CTNNA3: variants seen among roughly 807,000 people sequenced by gnomAD.
The protein encoded by CTNNA3 is catenin alpha 3, also known as catenin alpha-3.
A neutral mutation model predicts 95.7 loss-of-function variants in CTNNA3; 76 were observed. That is an observed-to-expected ratio of 0.79 (90% CI 0.66 to 0.96). The LOEUF (loss-of-function observed/expected upper bound fraction) is 0.96. Ranked by LOEUF, CTNNA3 falls within the 40% of genes least tolerant of loss-of-function variation. The pLI is 0.00. For missense variants in CTNNA3, 1,191 were observed against 1,089.8 expected, an observed-to-expected ratio of 1.09 and a Z score of -1.31; for synonymous variants, 431 against 374.4, an observed-to-expected ratio of 1.15 and a Z score of -1.74.
chr10:66,857,503 T>A (rs1394600049), intron 7 of CTNNA3, among the ~76,000 whole-genome samples: 1 of 152,096 alleles, frequency 6.6e-6, no homozygotes, highest in African/African-American at 2.4e-5. Flanking sequence ...TTGGGAAGTA[T>A]GACCATTTTA....
At chr10:67,108,298 G>T (rs1858757051) in intron 7 of CTNNA3, among the ~76,000 whole-genome samples, 5 of 151,822 alleles carry the variant, frequency 3.3e-5, no homozygotes, top group Admixed American at 2.0e-4. Flanking sequence ...TAGTTTTTTT[G>T]AATTTTTTTA....
intron 7 of CTNNA3, among the ~76,000 whole-genome samples, chr10:66,919,309 G>A (rs755511780): frequency 7.2e-5 from 11 of 151,938 alleles, no homozygotes; most frequent in Non-Finnish European, 1.3e-4. Context: ...CAACTTTTGC[G>A]TATGCTTTAC....
chr10:66,182,621 G>A lies in CTNNA3; in HGVS notation c.1885-79372C>T, dbSNP rs1320026700. Reference sequence around the variant, plus strand: ...TAAGACTGATTATGCCAAGACCCATGTACTTCAAAATACGGCATTCCAATG... The same window carrying A: ...TAAGACTGATTATGCCAAGACCCATATACTTCAAAATACGGCATTCCAATG... On this transcript the variant is annotated intron_variant, in intron 13 of 17. Coordinates refer to ENST00000433211, the MANE Select transcript of CTNNA3 (RefSeq NM_013266.4). Among the ~76,000 whole-genome samples the A allele has an allele frequency of 1.2e-4, 18 of 152,092 alleles. 1 individual carries two copies. The highest frequency in any genetic ancestry group is 1.5e-5 in the Non-Finnish European group (1 of 67,978).
chr10:67,369,199 T>C (rs956505989), intron 5 of CTNNA3, among the ~76,000 whole-genome samples: 2 of 152,110 alleles, frequency 1.3e-5, no homozygotes, highest in African/African-American at 2.4e-5. Context: ...ATAGGAAGAA[T>C]TAAAAATCCA....
At chr10:66,865,811 A>G (rs1168348274) in intron 7 of CTNNA3, among the ~76,000 whole-genome samples, 1 of 152,124 alleles carries the variant, frequency 6.6e-6, no homozygotes, top group Non-Finnish European at 1.5e-5. Context: ...TTCTGCATAG[A>G]GATGGTATAT....
chr10:66,738,121 T>G (rs1849207413), intron 9 of CTNNA3, among the ~76,000 whole-genome samples: 1 of 152,248 alleles, frequency 6.6e-6, no homozygotes. Context: ...CAAAATCTTA[T>G]TAGTTCTATA....
chr10:66,679,341 A>C (rs1222189398), intron 9 of CTNNA3, among the ~76,000 whole-genome samples: 3 of 152,226 alleles, frequency 2.0e-5, no homozygotes, highest in Non-Finnish European at 4.4e-5. Flanking sequence ...TGGTGATTTC[A>C]TTCCCTGAAA....
intron 1 of CTNNA3, among the ~76,000 whole-genome samples, chr10:67,718,081 A>G (rs1841155175): frequency 1.3e-5 from 2 of 152,154 alleles, no homozygotes; most frequent in Admixed American, 1.3e-4. Context: ...ATTTGTAGCA[A>G]TTGTAAAAGG....
At chr10:67,659,853 A>C (rs890378451) in intron 1 of CTNNA3, among the ~76,000 whole-genome samples, 1 of 152,246 alleles carries the variant, frequency 6.6e-6, no homozygotes, top group Admixed American at 6.5e-5. Flanking sequence ...TAAAAAGCAG[A>C]GAACAAAAAG....
At chr10:67,176,410 G>T (rs1862245884) in intron 7 of CTNNA3, among the ~76,000 whole-genome samples, 1 of 152,078 alleles carries the variant, frequency 6.6e-6, no homozygotes, top group Admixed American at 6.6e-5. Context: ...TCTATGCATT[G>T]TGCCTGAGGC....
chr10:67,484,785 G>A (rs1848381273), intron 5 of CTNNA3, among the ~76,000 whole-genome samples: 1 of 151,952 alleles, frequency 6.6e-6, no homozygotes, highest in Non-Finnish European at 1.5e-5. Context: ...TATGAAAAAT[G>A]AATGGCTATT....
intron 3 of CTNNA3, among the ~76,000 whole-genome samples, chr10:67,599,281 A>T (rs1843011208): frequency 6.6e-6 from 1 of 152,206 alleles, no homozygotes; most frequent in African/African-American, 2.4e-5. Flanking sequence ...TTCTTTTTCC[A>T]TCTCTACCAT....
intron 5 of CTNNA3, among the ~76,000 whole-genome samples, chr10:67,264,352 A>T (rs1866733787): frequency 6.6e-6 from 1 of 152,160 alleles, no homozygotes; most frequent in African/African-American, 2.4e-5. Flanking sequence ...AATTTTTTCA[A>T]AGTTATAATA....
chr10:66,242,759 T>C (rs10822772), intron 13 of CTNNA3, among the ~76,000 whole-genome samples: 32,555 of 152,076 alleles, frequency 0.21, 3,673 homozygotes, highest in South Asian at 0.29. Flanking sequence ...TGGCAATTCA[T>C]TACTAACAAT....
At chr10:66,213,695 C>T (rs750605076) in intron 13 of CTNNA3, among the ~76,000 whole-genome samples, 4 of 152,152 alleles carry the variant, frequency 2.6e-5, no homozygotes, top group African/African-American at 4.8e-5. Context: ...GACTCTCAAA[C>T]CTTTTATTTC....
chr10:66,089,410 C>A (rs2133685786), intron 14 of CTNNA3, among the ~76,000 whole-genome samples: 1 of 151,418 alleles, frequency 6.6e-6, no homozygotes, highest in South Asian at 2.1e-4. Context: ...TTACTCCCTT[C>A]CTTCCTTCCT....
rs568999680 is a variant in CTNNA3 at position 66,259,185 on chromosome 10, A to C, written c.1884+21285T>G. Among the ~76,000 whole-genome samples, 3 of 152,278 alleles carry C rather than the reference A, an allele frequency of 2.0e-5. No individual in the cohort carries two copies. The East Asian group carries it at 5.8e-4, about 29-fold the overall frequency. ...CGGCCTGCAACAGCAACTTCCATTT[A>C]CATGGGGCCTCTTAATGGAATCGTT... is the stretch of plus-strand genomic sequence containing the variant. On this transcript the variant is annotated intron_variant, in intron 13 of 17. Transcript: ENST00000433211.
Position 66,582,184 on chromosome 10 carries a change from G to C in CTNNA3, c.1374+39508C>G, listed in dbSNP as rs146414330. On this transcript the variant is annotated intron_variant, in intron 10 of 17. Coordinates refer to ENST00000433211, the MANE Select transcript of CTNNA3 (RefSeq NM_013266.4). ...GATTTTTCTAATTCTGTAAAAAATA[G>C]TGTTGGTAATTTGATAGAAATTGCA... Among the ~76,000 whole-genome samples, 222 of 151,748 alleles carry C rather than the reference G, an allele frequency of 1.5e-3. 1 individual carries two copies. The highest frequency in any genetic ancestry group is 5.1e-3 in the African/African-American group (211 of 41,474).
chr10:66,176,320 C>A (rs1391819367), intron 13 of CTNNA3, among the ~76,000 whole-genome samples: 2 of 152,030 alleles, frequency 1.3e-5, no homozygotes, highest in Non-Finnish European at 2.9e-5. Flanking sequence ...CATTTAGACA[C>A]GCAAATGGAG....
Sources: gnomAD v4.1 joint callset for allele counts (sites outside exome capture counted in the v4.1 genomes callset) on GRCh38, gnomAD v4.1.1 for gene constraint, MANE v1.5 for transcripts, NCBI Gene and HGNC (gene_info 2026-07-23, HGNC 2026-07-21) for gene names.